Variants in AKAP3 observed in about 807,000 individuals in gnomAD.
The protein encoded by AKAP3 is A-kinase anchor protein 3.
Under a neutral mutation model 57.2 loss-of-function variants are expected in AKAP3, and 27 were observed. That is an observed-to-expected ratio of 0.47 (90% CI 0.35 to 0.65). The LOEUF (loss-of-function observed/expected upper bound fraction) is 0.65. Ranked by LOEUF, AKAP3 falls within the 30% of genes least tolerant of loss-of-function variation. The pLI is 0.01. For synonymous variants in AKAP3, 334 were observed against 392.3 expected, an observed-to-expected ratio of 0.85 and a Z score of 1.76; for missense variants, 959 against 1,040.0, an observed-to-expected ratio of 0.92 and a Z score of 1.07.
intron 2 of AKAP3, among the ~76,000 whole-genome samples, chr12:4,644,502 A>T (rs1485502318): frequency 6.6e-6 from 1 of 152,208 alleles, no homozygotes; most frequent in Non-Finnish European, 1.5e-5. Context: ...AGCTGAGGAG[A>T]TCTTGTCAAA....
chr12:4,644,161 C>T (rs1011441892), intron 2 of AKAP3, among the ~76,000 whole-genome samples: 11 of 152,136 alleles, frequency 7.2e-5, no homozygotes, highest in Middle Eastern at 6.8e-3. Flanking sequence ...TTAAGCTTTC[C>T]GGTGGAAAGT....
chr12:4,617,798 T>C (rs530980392), intron 5 of AKAP3, among the ~76,000 whole-genome samples: 1 of 150,090 alleles, frequency 6.7e-6, no homozygotes, highest in Non-Finnish European at 1.5e-5. Context: ...AAAAGTAACA[T>C]TGAGGGCTTT....
In AKAP3 at chr12:4,638,065, T is replaced by G. The variant is rs376094440; in HGVS notation, c.96+36A>C. The G allele has an allele frequency of 3.3e-6, 5 of 1,504,408 alleles. No homozygotes were observed. The African/African-American group carries it at 5.5e-5, about 17-fold the overall frequency. The allele number at this position is 1,504,408 out of a possible 1,614,324, so 93.2% of individuals were successfully genotyped here. On this transcript the variant is annotated intron_variant, in intron 4 of 5. Transcript: ENST00000228850. ...CTACTCTTAATGACAGCCCCCATAT[T>G]CTTAACCTAGTGTTTATCAAGAGGT...
At chr12:4,632,317 G>A (rs992414203) in intron 4 of AKAP3, among the ~76,000 whole-genome samples, 4 of 152,304 alleles carry the variant, frequency 2.6e-5, no homozygotes, top group Admixed American at 2.0e-4. Context: ...GGAAGTCGTC[G>A]TCATGTGTAG....
intron 4 of AKAP3, among the ~76,000 whole-genome samples, chr12:4,634,465 G>A (rs767982419): frequency 9.9e-5 from 15 of 152,046 alleles, no homozygotes; most frequent in Non-Finnish European, 1.5e-4. Context: ...GCTGAAGATC[G>A]AATTTAAAAT....
rs550626482 is a variant in AKAP3, at chr12:4,636,716, C to T, written c.96+1385G>A. On this transcript the variant is annotated intron_variant, in intron 4 of 5. Coordinates refer to ENST00000228850, the MANE Select transcript of AKAP3 (RefSeq NM_001278309.2). ...CAAATAGAAGAAGATGGGTCATTTG[C>T]ATTTGATTACATGCAAATAAATGTT... Among the ~76,000 whole-genome samples the T allele has an allele frequency of 1.8e-4, 27 of 152,252 alleles. No individual in the cohort carries two copies. The South Asian group carries it at 3.9e-3, about 22-fold the overall frequency.
At chr12:4,642,624 A>C (rs1457694433) in intron 2 of AKAP3, among the ~76,000 whole-genome samples, 1 of 152,110 alleles carries the variant, frequency 6.6e-6, no homozygotes, top group Non-Finnish European at 1.5e-5. Flanking sequence ...CCATCCATGA[A>C]ATATTTTCTA....
chr12:4,643,198 A>G (rs995562981), intron 2 of AKAP3, among the ~76,000 whole-genome samples: 4 of 152,208 alleles, frequency 2.6e-5, no homozygotes, highest in Admixed American at 1.3e-4. Flanking sequence ...TCTAGGTCCT[A>G]TGAGTGGGTT....
chr12:4,635,599 T>C, intron 4 of AKAP3: 1 of 727,718 alleles, frequency 1.4e-6, no homozygotes, highest in Non-Finnish European at 2.5e-6. Context: ...TGTTTCCTGA[T>C]AAAGCTATTA....
intron 5 of AKAP3, among the ~76,000 whole-genome samples, chr12:4,617,061 A>G (rs1448421444): frequency 2.0e-5 from 3 of 152,166 alleles, no homozygotes; most frequent in Admixed American, 6.5e-5. Flanking sequence ...TGAAAATTAA[A>G]GAAAAAGAAA....
At chr12:4,616,649 C>T (rs1201022576) in intron 5 of AKAP3, among the ~76,000 whole-genome samples, 1 of 152,078 alleles carries the variant, frequency 6.6e-6, no homozygotes. Flanking sequence ...AGAACTAAAA[C>T]TTACCTACAA....
At position 4,645,193 on chromosome 12, in the gene AKAP3, C is replaced by T. The variant is rs906421142; in HGVS notation, c.-244-1G>A. On this transcript the variant is annotated splice_acceptor_variant, in intron 1 of 5. Coordinates refer to ENST00000228850, the MANE Select transcript of AKAP3 (RefSeq NM_001278309.2). LOFTEE classifies it low-confidence loss of function (5UTR_SPLICE). ...TCCATGTACCTCCCCCTTGCTGGGACTGGAGAGTGACATCAGAATCACAAT... is the reference window on the plus strand; with the variant it reads ...TCCATGTACCTCCCCCTTGCTGGGATTGGAGAGTGACATCAGAATCACAAT... The T allele has an allele frequency of 6.6e-6, 1 of 152,184 alleles. No homozygotes were observed. The highest frequency in any genetic ancestry group is 1.9e-4 in the East Asian group (1 of 5,194). The allele number at this position is 152,184 out of a possible 1,614,324, so 9.4% of individuals were successfully genotyped here.
intron 4 of AKAP3, chr12:4,631,349 A>C (rs11063270): frequency 1.4e-6 from 1 of 701,150 alleles, no homozygotes; most frequent in Non-Finnish European, 2.6e-6. Flanking sequence ...TTGTGCTCAC[A>C]TGGAAGGAGA....
At chr12:4,616,366 C>G (rs1250447601) in intron 5 of AKAP3, among the ~76,000 whole-genome samples, 1 of 152,222 alleles carries the variant, frequency 6.6e-6, no homozygotes, top group Non-Finnish European at 1.5e-5. Context: ...AACCAAAATT[C>G]ATTGCAGGTA....
intron 4 of AKAP3, 51 bp from the exon 5 acceptor site, chr12:4,628,856 A>T: frequency 6.5e-7 from 1 of 1,532,152 alleles, no homozygotes; most frequent in East Asian, 2.3e-5. Flanking sequence ...AAGATATGGG[A>T]TATTCAAGAC....
At chr12:4,628,931 G>GGTTACTT in intron 4 of AKAP3, 126 bp from the exon 5 acceptor site, 1 of 949,590 alleles carries the variant, frequency 1.1e-6, no homozygotes, top group Non-Finnish European at 1.5e-6. Flanking sequence ...GGCAATAAAA[G>GGTTACTT]TAACCATTTA....
At chr12:4,647,827 A>G (rs1945717313) in intron 1 of AKAP3, 1 of 151,360 alleles carries the variant, frequency 6.6e-6, no homozygotes, top group Non-Finnish European at 1.5e-5. Context: ...TTCCAATTCA[A>G]TTTGTTAGGC....
intron 4 of AKAP3, among the ~76,000 whole-genome samples, chr12:4,634,133 A>C (rs1314258954): frequency 6.6e-6 from 1 of 152,198 alleles, no homozygotes; most frequent in Non-Finnish European, 1.5e-5. Context: ...TCTGACACAC[A>C]TATGGTAGCT....
At chr12:4,622,058 G>A (rs1008677908) in intron 5 of AKAP3, among the ~76,000 whole-genome samples, 2 of 151,994 alleles carry the variant, frequency 1.3e-5, no homozygotes, top group Non-Finnish European at 2.9e-5. Flanking sequence ...GAATACCTAG[G>A]AATACAGCTA....
Sources: gnomAD v4.1 joint callset for allele counts (sites outside exome capture counted in the v4.1 genomes callset) on GRCh38, gnomAD v4.1.1 for gene constraint, MANE v1.5 for transcripts, NCBI Gene and HGNC (gene_info 2026-07-23, HGNC 2026-07-21) for gene names.